Variants in DCAF6 observed in about 807,000 individuals in gnomAD.
DCAF6 encodes the protein DDB1- and CUL4-associated factor 6.
DCAF6 carries 54 observed loss-of-function variants against 125.1 expected under a neutral mutation model. The observed-to-expected ratio is 0.43, with a 90% confidence interval of 0.35 to 0.54. The LOEUF (loss-of-function observed/expected upper bound fraction) is 0.54. Among genes scored for constraint, DCAF6 ranks in the 20% least tolerant of loss-of-function variants. DCAF6 has a pLI of 0.01. For missense variants in DCAF6, 934 were observed against 1,161.7 expected (o/e 0.80, Z 2.85); for synonymous variants, 371 against 390.4 (o/e 0.95, Z 0.58).
At chr1:168,016,785 G>C (rs1278263039) in intron 11 of DCAF6, among the ~76,000 whole-genome samples, 4 of 151,990 alleles carry the variant, frequency 2.6e-5, no homozygotes, top group Admixed American at 2.6e-4. Flanking sequence ...GGTATAATAA[G>C]TTATTTAGGA....
At chr1:168,051,251 T>C (rs981870225) in intron 17 of DCAF6, among the ~76,000 whole-genome samples, 3 of 152,214 alleles carry the variant, frequency 2.0e-5, no homozygotes, top group Non-Finnish European at 4.4e-5. Context: ...TGTTGAAGAA[T>C]GCAATTTATG....
At chr1:167,908,220 C>T in the DCAF6 span, among the ~76,000 whole-genome samples, 11 of 152,190 alleles carry the variant, frequency 7.2e-5, no homozygotes, top group South Asian at 6.2e-4. Flanking sequence ...ACTATTCAGC[C>T]GTAAAACAGA....
At chr1:168,065,497 GAATT>G (rs1406718036) in intron 18 of DCAF6, 89 bp from the exon 19 acceptor site, 5 of 1,000,234 alleles carry the variant, frequency 5.0e-6, no homozygotes, top group Non-Finnish European at 7.1e-6. Context: ...AAAAATGTAA[GAATT>G]AAAACAAATA....
chr1:167,935,912 G>A, upstream of DCAF6: 1 of 1,203,806 alleles, frequency 8.3e-7, no homozygotes. Flanking sequence ...ACAACGAAGG[G>A]GAGCTAGTCA....
intron 12 of DCAF6, chr1:168,023,658 A>G (rs533909829): frequency 6.5e-6 from 1 of 153,360 alleles, no homozygotes; most frequent in East Asian, 1.9e-4. Context: ...CGCGTTACTT[A>G]TTTATCAGGC....
intron 1 of DCAF6, among the ~76,000 whole-genome samples, chr1:167,943,370 A>T (rs1244710565): frequency 6.6e-6 from 1 of 152,188 alleles, no homozygotes. Context: ...CATGTTTACA[A>T]TATGAATCTT....
At chr1:167,867,244 G>A in the DCAF6 span, among the ~76,000 whole-genome samples, 60 of 152,182 alleles carry the variant, frequency 3.9e-4, no homozygotes, top group African/African-American at 1.3e-3. Flanking sequence ...GTGGATGGGA[G>A]CAGCTTCACC....
intron 2 of DCAF6, among the ~76,000 whole-genome samples, chr1:167,957,911 A>G (rs1007968374): frequency 6.6e-6 from 1 of 152,116 alleles, no homozygotes; most frequent in Non-Finnish European, 1.5e-5. Context: ...TTCTATGTGC[A>G]TATGAAGGTA....
intron 12 of DCAF6, among the ~76,000 whole-genome samples, chr1:168,035,517 A>G (rs1265841300): frequency 2.0e-5 from 3 of 152,200 alleles, no homozygotes; most frequent in Non-Finnish European, 4.4e-5. Flanking sequence ...TCTTTCTGCC[A>G]GAGACACTGT....
intron 12 of DCAF6, among the ~76,000 whole-genome samples, chr1:168,035,645 AATTC>A (rs1317973432): frequency 1.3e-5 from 2 of 152,218 alleles, no homozygotes; most frequent in African/African-American, 4.8e-5. Flanking sequence ...AAGGCTGATG[AATTC>A]ATTAACAACT....
chr1:168,050,428 G>A (rs527912439), intron 16 of DCAF6, among the ~76,000 whole-genome samples: 17 of 152,260 alleles, frequency 1.1e-4, no homozygotes, highest in African/African-American at 4.1e-4. Context: ...AGAAAGAACT[G>A]GACTCCTAGG....
At chr1:167,928,124 G>A in the DCAF6 span, among the ~76,000 whole-genome samples, 2 of 152,064 alleles carry the variant, frequency 1.3e-5, no homozygotes, top group African/African-American at 4.8e-5. Flanking sequence ...CGAGATGGGC[G>A]GATCACGAGG....
At chr1:167,866,537 A>C in the DCAF6 span, among the ~76,000 whole-genome samples, 1 of 62,514 alleles carries the variant, frequency 1.6e-5, no homozygotes, top group Non-Finnish European at 2.6e-5. Context: ...TGCCAAAAAA[A>C]AAAAAAAAAA....
chr1:167,980,258 T>A (rs1678900936), intron 4 of DCAF6, among the ~76,000 whole-genome samples: 1 of 152,200 alleles, frequency 6.6e-6, no homozygotes, highest in Non-Finnish European at 1.5e-5. Flanking sequence ...CCTTGGCTAT[T>A]GTGAATAATG....
At chr1:168,035,321 C>T (rs1351730316) in intron 12 of DCAF6, among the ~76,000 whole-genome samples, 4 of 152,084 alleles carry the variant, frequency 2.6e-5, no homozygotes, top group African/African-American at 7.2e-5. Flanking sequence ...ATGGCATGTG[C>T]CTATAGTCCC....
At chr1:167,914,675 G>A in the DCAF6 span, among the ~76,000 whole-genome samples, 1 of 152,170 alleles carries the variant, frequency 6.6e-6, no homozygotes, top group Non-Finnish European at 1.5e-5. Context: ...CTGGAAAAAT[G>A]TATTTTAAGA....
At chr1:168,063,806 T>C (rs775191284) in intron 18 of DCAF6, 47 bp downstream of exon 18, 14 of 1,564,948 alleles carry the variant, frequency 8.9e-6, no homozygotes, top group Non-Finnish European at 1.2e-5. Context: ...AGTTTCATGC[T>C]CTGAGTGTTT....
chr1:168,040,481 G>A (rs1313002176), intron 13 of DCAF6, among the ~76,000 whole-genome samples: 2 of 151,356 alleles, frequency 1.3e-5, no homozygotes, highest in Non-Finnish European at 3.0e-5. Context: ...AGCAGTGGAG[G>A]TGGTTTAAAA....
At chr1:167,968,730 A>G (rs1298725903) in intron 3 of DCAF6, among the ~76,000 whole-genome samples, 1 of 152,258 alleles carries the variant, frequency 6.6e-6, no homozygotes, top group Non-Finnish European at 1.5e-5. Context: ...CATTAGAGAT[A>G]GGAAGCAAAC....
Sources: gnomAD v4.1 joint callset for allele counts (sites outside exome capture counted in the v4.1 genomes callset) on GRCh38, gnomAD v4.1.1 for gene constraint, MANE v1.5 for transcripts, NCBI Gene and HGNC (gene_info 2026-07-23, HGNC 2026-07-21) for gene names.